The following PLPP5 variants were observed in gnomAD, a reference collection of about 807,000 sequenced individuals.
PLPP5 encodes the protein diacylglycerol pyrophosphate like 1.
PLPP5 carries 29 observed loss-of-function variants against 23.6 expected under a neutral mutation model. The ratio of observed to expected loss-of-function variants is 1.23; its 90% CI spans 0.92 to 1.68. PLPP5 has a LOEUF of 1.68. Among genes scored for constraint, PLPP5 ranks in the 40% most tolerant of loss-of-function variants. The pLI, the probability that PLPP5 is intolerant of heterozygous loss-of-function variation, is 0.00. For synonymous variants in PLPP5, 143 were observed against 131.3 expected (o/e 1.09, Z -0.61); for missense variants, 315 against 332.1 (o/e 0.95, Z 0.40).
At position 38,269,151 on chromosome 8, in the gene PLPP5, G is replaced by A. The variant is rs908953639; in HGVS notation, c.49C>T (p.Arg17Trp). The change falls in exon 1 of 7, where the codon CGG (arginine) becomes TGG (tryptophan). Residue 17 changes from arginine to tryptophan, a missense_variant. Arg to Trp is a moderately radical substitution (Grantham distance 101). Coordinates refer to ENST00000424479, the MANE Select transcript of PLPP5 (RefSeq NM_001102559.2). The part of the protein sequence containing the change: ...AVAFGAEVGV[R>W]LALFAAFLVT... ...AGGAAGGCCGCGAACAGCGCGAGCC[G>A]CACGCCCACTTCGGCCCCAAAGGCC... is the stretch of plus-strand genomic sequence containing the variant. The A allele has an allele frequency of 6.6e-7, 1 of 1,515,360 alleles. No homozygotes were observed. The highest frequency in any genetic ancestry group is 1.2e-5 in the South Asian group (1 of 82,504). The allele number at this position is 1,515,360 out of a possible 1,614,324, so 93.9% of individuals were successfully genotyped here.
chr8:38,264,254 T>A lies in PLPP5; in HGVS notation c.*190A>T, dbSNP rs1396688586. ...CCTCCAGCTCCCAGGTTCAAGCAAT[T>A]CTCCTACCTCAGCCTCCCAGGTAGC... On this transcript the variant is annotated 3_prime_UTR_variant, in exon 7 of 7. Coordinates refer to ENST00000424479, the MANE Select transcript of PLPP5 (RefSeq NM_001102559.2). The A allele has an allele frequency of 1.1e-5, 8 of 741,978 alleles. No homozygotes were observed. In the Admixed American group the frequency reaches 1.7e-4, roughly 16 times the overall value. 46.0% of individuals were successfully genotyped at this position (741,978 alleles called of 1,614,324 possible).
At chr8:38,268,484 A>T (rs1343074952) in intron 2 of PLPP5, 23 bp from the exon 3 acceptor site, 2 of 1,554,856 alleles carry the variant, frequency 1.3e-6, no homozygotes, top group South Asian at 1.2e-5. Context: ...GTCAGAGGTT[A>T]AAAACAATCC....
At position 38,265,126 on chromosome 8, in the gene PLPP5, C is replaced by T. The variant is rs1335381112; in HGVS notation, c.635-522G>A. ...ACTAAAAATACAAAAATTAGCCGGGCGTGGTGGCATGTGCCTGTAATCCCA... is the reference window on the plus strand; with the variant it reads ...ACTAAAAATACAAAAATTAGCCGGGTGTGGTGGCATGTGCCTGTAATCCCA... On this transcript the variant is annotated intron_variant, in intron 6 of 6. Transcript: ENST00000424479. 1.2e-5 allele frequency: 7 copies of T among 560,762 alleles called. No homozygotes were observed. In the Admixed American group the frequency reaches 1.6e-4, roughly 13 times the overall value. The allele number at this position is 560,762 out of a possible 1,614,324, so 34.7% of individuals were successfully genotyped here. A position where few individuals can be genotyped will look rare whatever the true frequency, so the allele number is the denominator to read the frequency against.
At chr8:38,266,992 G>C (rs989312308) in intron 5 of PLPP5, 1 of 1,305,144 alleles carries the variant, frequency 7.7e-7, no homozygotes, top group Admixed American at 3.2e-5. Context: ...TTCGTTAAAG[G>C]TATTTTTATT....
chr8:38,268,999 G>T lies in PLPP5; in HGVS notation c.75-9C>A. On this transcript the variant is annotated splice_polypyrimidine_tract_variant and intron_variant, in intron 1 of 6. Transcript: ENST00000424479. ...GGAGCAGCTCCGTCACCCTAGAGGG[G>T]AACAAAGAAGCGCAGAGCAGGTCGC... 1 of 1,573,884 alleles carries T rather than the reference G, an allele frequency of 6.4e-7. No individual in the cohort carries two copies. Among genetic ancestry groups the T allele is most frequent in the African/African-American group, 1.4e-5 (1 of 71,140 alleles).
intron 5 of PLPP5, 176 bp downstream of exon 5, chr8:38,267,091 T>C (rs1163103441): frequency 1.6e-5 from 24 of 1,460,908 alleles, no homozygotes; most frequent in African/African-American, 1.4e-5. Context: ...TGTTCTGTAA[T>C]ATTTACCCAA....
In PLPP5 at chr8:38,267,406, C is replaced by T. The variant is rs1211595961; in HGVS notation, c.339-15G>A. The T allele has an allele frequency of 2.5e-6, 4 of 1,611,216 alleles. No homozygotes were observed. The highest frequency in any genetic ancestry group is 1.1e-5 in the South Asian group (1 of 90,740). ...CTGGGCGTGGCCTGGAAGAAAGCAGCATGGTTGGAACGTAAATCATTAACT... is the reference window on the plus strand; with the variant it reads ...CTGGGCGTGGCCTGGAAGAAAGCAGTATGGTTGGAACGTAAATCATTAACT... On this transcript the variant is annotated splice_polypyrimidine_tract_variant and intron_variant, in intron 4 of 6. Coordinates refer to ENST00000424479, the MANE Select transcript of PLPP5 (RefSeq NM_001102559.2).
chr8:38,267,688 GA>G lies in PLPP5; in HGVS notation c.338+208del, dbSNP rs2130938474. 3 of 636,776 alleles carry G rather than the reference GA, an allele frequency of 4.7e-6. No individual in the cohort carries two copies. The East Asian group carries it at 8.3e-5, about 18-fold the overall frequency. The allele number at this position is 636,776 out of a possible 1,614,324, so 39.4% of individuals were successfully genotyped here. A position where few individuals can be genotyped will look rare whatever the true frequency, so the allele number is the denominator to read the frequency against. On this transcript the variant is annotated intron_variant, in intron 4 of 6. Coordinates refer to ENST00000424479, the MANE Select transcript of PLPP5 (RefSeq NM_001102559.2). ...GACCGACTGCTGTGGCCGTTGGTGG[GA>G]AATGCTGTTCAGGCAGAAAAGAGCC...
Position 38,269,159 on chromosome 8 carries a change from A to G in PLPP5, c.41T>C (p.Val14Ala), listed in dbSNP as rs1808290497. 1 of 1,512,612 alleles carries G rather than the reference A, an allele frequency of 6.6e-7. No homozygotes were observed. Among genetic ancestry groups the G allele is most frequent in the Non-Finnish European group, 8.8e-7 (1 of 1,138,040 alleles). The allele number at this position is 1,512,612 out of a possible 1,614,324, so 93.7% of individuals were successfully genotyped here. A position where few individuals can be genotyped will look rare whatever the true frequency, so the allele number is the denominator to read the frequency against. ...CGCGAACAGCGCGAGCCGCACGCCC[A>G]CTTCGGCCCCAAAGGCCACCGCCGC... ...AAAAVAFGAEVGVRLALFAAF... is the reference protein window; with the variant it reads ...AAAAVAFGAEAGVRLALFAAF... The change falls in exon 1 of 7, where the codon GTG becomes GCG. Residue 14 changes from valine to alanine, a missense_variant. Physicochemically the swap from Val to Ala is moderately conservative, Grantham distance 64. Transcript: ENST00000424479.
rs1306029960 is a variant in PLPP5, at chr8:38,264,217, G to A, written c.*227C>T. 2.3e-5 allele frequency: 21 copies of A among 901,262 alleles called. No homozygotes were observed. Among genetic ancestry groups the A allele is most frequent in the Admixed American group, 2.3e-4 (5 of 21,828 alleles). The allele number at this position is 901,262 out of a possible 1,614,324, so 55.8% of individuals were successfully genotyped here. On this transcript the variant is annotated 3_prime_UTR_variant, in exon 7 of 7. Transcript: ENST00000424479. Reference sequence around the variant, plus strand: ...GGCTGGAGTGCAGTGGTGCGATCTCGGCTCACTGGAACCTCCAGCTCCCAG... The same window carrying A: ...GGCTGGAGTGCAGTGGTGCGATCTCAGCTCACTGGAACCTCCAGCTCCCAG...
intron 1 of PLPP5, 26 bp downstream of exon 1, chr8:38,269,100 C>T (rs1277226314): frequency 2.0e-6 from 3 of 1,525,890 alleles, no homozygotes; most frequent in Non-Finnish European, 2.6e-6. Context: ...CGGGGCCGCC[C>T]GGGCCCGGCC....
chr8:38,267,691 A>C, intron 4 of PLPP5: 1 of 639,922 alleles, frequency 1.6e-6, no homozygotes, highest in Non-Finnish European at 2.7e-6. Flanking sequence ...TTGGTGGGAA[A>C]TGCTGTTCAG....
At position 38,268,410 on chromosome 8, in the gene PLPP5, T is replaced by TA. The variant is rs1277029237; in HGVS notation, c.234_235insT (p.Lys79Ter). The TA allele has an allele frequency of 6.3e-7, 1 of 1,576,760 alleles. No individual in the cohort carries two copies. Among genetic ancestry groups the TA allele is most frequent in the Non-Finnish European group, 8.6e-7 (1 of 1,160,944 alleles). ...CTGCTGTCTCTTGTGTCTGCCTTCTTGAGAAATTTGGCCAGGAAGATCAGA... is the reference window on the plus strand; with the variant it reads ...CTGCTGTCTCTTGTGTCTGCCTTCTTAGAGAAATTTGGCCAGGAAGATCAGA... On this transcript the variant is annotated frameshift_variant, in exon 3 of 7. Coordinates refer to ENST00000424479, the MANE Select transcript of PLPP5 (RefSeq NM_001102559.2). LOFTEE classifies it high-confidence loss of function.
chr8:38,268,806 C>CG (rs1808167663), intron 2 of PLPP5, 76 bp downstream of exon 2: 1 of 1,451,148 alleles, frequency 6.9e-7, no homozygotes, highest in Non-Finnish European at 9.1e-7. Flanking sequence ...AAGGCCGTCT[C>CG]GGGGTGGAAA....
Position 38,269,177 on chromosome 8 carries a change from A to ACAG in PLPP5, c.22_23insCTG (p.Ala7dup). On this transcript the variant is annotated inframe_insertion, in exon 1 of 7. Coordinates refer to ENST00000424479, the MANE Select transcript of PLPP5 (RefSeq NM_001102559.2). ...CACGCCCACTTCGGCCCCAAAGGCC[A>ACAG]CCGCCGCCGCCGCCTTCCCCATCCG... The ACAG allele has an allele frequency of 6.6e-7, 1 of 1,505,046 alleles. No homozygotes were observed. Among genetic ancestry groups the ACAG allele is most frequent in the Admixed American group, 2.1e-5 (1 of 47,858 alleles). 93.2% of individuals were successfully genotyped at this position (1,505,046 alleles called of 1,614,324 possible).
In PLPP5 at chr8:38,268,971, G is replaced by A; in HGVS notation, c.94C>T (p.Pro32Ser). 2 of 1,570,218 alleles carry A rather than the reference G, an allele frequency of 1.3e-6. No homozygotes were observed. Among genetic ancestry groups the A allele is most frequent in the South Asian group, 2.3e-5 (2 of 86,826 alleles). Residue 32 changes from proline to serine, a missense_variant, in exon 2 of 7, where the codon CCG becomes TCG. By Grantham distance (74) the Pro-to-Ser change is moderately conservative (BLOSUM62 -1). Transcript: ENST00000424479. ...AAFLVTELLP[P>S]FQRLIQPEEM... ...TCCGGCTGGATGAGTCTCTGGAACGGGGGGAGCAGCTCCGTCACCCTAGAG... is the reference window on the plus strand; with the variant it reads ...TCCGGCTGGATGAGTCTCTGGAACGAGGGGAGCAGCTCCGTCACCCTAGAG...
intron 5 of PLPP5, chr8:38,267,066 G>T: frequency 7.0e-7 from 1 of 1,429,028 alleles, no homozygotes; most frequent in Non-Finnish European, 9.2e-7. Context: ...ATCTCATGAA[G>T]GTAAACTACC....
rs966229568 is a variant in PLPP5 at position 38,264,276 on chromosome 8, T to C, written c.*168A>G. ...AATTCTCCTACCTCAGCCTCCCAGG[T>C]AGCTGGGATTACGGCACACAACTCC... is the stretch of plus-strand genomic sequence containing the variant. On this transcript the variant is annotated 3_prime_UTR_variant, in exon 7 of 7. Coordinates refer to ENST00000424479, the MANE Select transcript of PLPP5 (RefSeq NM_001102559.2). 7.0e-6 allele frequency: 5 copies of C among 717,024 alleles called. No individual in the cohort carries two copies. The highest frequency in any genetic ancestry group is 7.9e-6 in the Non-Finnish European group (4 of 506,610). 44.4% of individuals were successfully genotyped at this position (717,024 alleles called of 1,614,324 possible).
chr8:38,266,261 G>A lies in PLPP5; in HGVS notation c.514C>T (p.His172Tyr). 3 of 1,613,738 alleles carry A rather than the reference G, an allele frequency of 1.9e-6. No individual in the cohort carries two copies. Among genetic ancestry groups the A allele is most frequent in the Non-Finnish European group, 2.5e-6 (3 of 1,179,778 alleles). ...CCACGGCCTTGTGGTGTGAAGCAGT[G>A]TAACTTCCCTGCCAGGTAGAAGGAC... ...FASFYLAGKL[H>Y]CFTPQGRGKS... The change falls in exon 6 of 7, where the codon CAC becomes TAC. Residue 172 changes from histidine (H) to tyrosine (Y), a missense_variant. Physicochemically the swap from His to Tyr is moderately conservative, Grantham distance 83. Transcript: ENST00000424479.
Sources: allele counts gnomAD v4.1 joint callset, GRCh38; gene constraint gnomAD v4.1.1; transcripts MANE v1.5; gene names NCBI Gene and HGNC (gene_info 2026-07-23, HGNC 2026-07-21).